Variants in RELCH observed in about 807,000 individuals in gnomAD.
RELCH encodes RAB11 binding and LisH domain, coiled-coil and HEAT repeat containing, also known as RAB11-binding protein RELCH.
In RELCH, 41 loss-of-function variants were observed where a neutral mutation model predicts 150.3. That is an observed-to-expected ratio of 0.27 (90% CI 0.21 to 0.35). The LOEUF (loss-of-function observed/expected upper bound fraction) is 0.35. RELCH is among the 10% of genes least tolerant of loss of function. The pLI is 1.00. For synonymous variants in RELCH, 478 were observed against 531.8 expected (o/e 0.90, Z 1.39); for missense variants, 1,092 against 1,467.8 (o/e 0.74, Z 4.18).
At position 62,282,289 on chromosome 18, in the gene RELCH, CA is replaced by C. The variant is rs1253278875; in HGVS notation, c.3115-15del. ...TTCAATATTCTATGAAATGACTGTA[CA>C]ATATCCAATTTTAAGTTGCTGGAAA... On this transcript the variant is annotated splice_polypyrimidine_tract_variant and intron_variant, in intron 24 of 28. Transcript: ENST00000644646. 1 of 1,606,024 alleles carries C rather than the reference CA, an allele frequency of 6.2e-7. No individual in the cohort carries two copies. Among genetic ancestry groups the C allele is most frequent in the South Asian group, 1.1e-5 (1 of 90,732 alleles).
intron 1 of RELCH, among the ~76,000 whole-genome samples, chr18:62,200,438 A>C (rs2039355311): frequency 6.6e-6 from 1 of 152,136 alleles, no homozygotes; most frequent in Admixed American, 6.5e-5. Context: ...AATTCCTTTT[A>C]GCTCTCAAAT....
chr18:62,197,664 A>G (rs1217346705), intron 1 of RELCH, among the ~76,000 whole-genome samples: 14 of 152,198 alleles, frequency 9.2e-5, no homozygotes, highest in Non-Finnish European at 1.0e-4. Context: ...CTGAGAATTG[A>G]ATACCCATTA....
At chr18:62,211,544 C>T (rs1009382015) in intron 2 of RELCH, among the ~76,000 whole-genome samples, 32 of 152,254 alleles carry the variant, frequency 2.1e-4, no homozygotes, top group African/African-American at 7.7e-4. Flanking sequence ...AAAGTTGAAC[C>T]TTAGCCTCAT....
intron 5 of RELCH, among the ~76,000 whole-genome samples, chr18:62,222,363 T>G (rs2148379923): frequency 6.6e-6 from 1 of 152,094 alleles, no homozygotes; most frequent in Non-Finnish European, 1.5e-5. Context: ...TTAACATGAG[T>G]ATTATACAAT....
At chr18:62,210,665 T>G (rs1268386159) in intron 1 of RELCH, among the ~76,000 whole-genome samples, 2 of 152,240 alleles carry the variant, frequency 1.3e-5, no homozygotes, top group Non-Finnish European at 2.9e-5. Flanking sequence ...TCTACTGATT[T>G]TACCATTATG....
intron 27 of RELCH, among the ~76,000 whole-genome samples, chr18:62,291,878 G>A (rs553166731): frequency 6.6e-6 from 1 of 152,256 alleles, no homozygotes; most frequent in South Asian, 2.1e-4. Flanking sequence ...ACTTTAATAA[G>A]ATAATGTATG....
chr18:62,188,158 G>A (rs1268170460), intron 1 of RELCH, 127 bp downstream of exon 1: 1 of 1,120,570 alleles, frequency 8.9e-7, no homozygotes, highest in Non-Finnish European at 1.2e-6. Flanking sequence ...GTATTGGGGT[G>A]GGGGCGCTCT....
At chr18:62,285,652 G>T (rs1469547591) in intron 25 of RELCH, 2 of 152,224 alleles carry the variant, frequency 1.3e-5, no homozygotes, top group African/African-American at 4.8e-5. Context: ...CAACTCGGGA[G>T]GCCAAGGCAG....
intron 25 of RELCH, among the ~76,000 whole-genome samples, chr18:62,283,212 A>G (rs1188809823): frequency 3.9e-5 from 6 of 152,188 alleles, no homozygotes; most frequent in Non-Finnish European, 7.3e-5. Context: ...AGCACGATAC[A>G]TAACTTTGTT....
Position 62,187,905 on chromosome 18 carries a change from C to A in RELCH, c.400C>A (p.Pro134Thr). ...TCGGCTGCGCGACTACTTCTCCAAT[C>A]CAGGCAACTTCGAGAGGCAAAGTGG... is the stretch of plus-strand genomic sequence containing the variant. The part of the protein sequence containing the change: ...LPRLRDYFSN[P>T]GNFERQSGTP... The change falls in exon 1 of 29, where the codon CCA (proline) becomes ACA (threonine). Residue 134 changes from proline (P) to threonine (T), a missense_variant. Coordinates refer to ENST00000644646, the MANE Select transcript of RELCH (RefSeq NM_001346231.2). 1 of 1,596,226 alleles carries A rather than the reference C, an allele frequency of 6.3e-7. No individual in the cohort carries two copies. Among genetic ancestry groups the A allele is most frequent in the South Asian group, 1.1e-5 (1 of 88,492 alleles).
intron 25 of RELCH, among the ~76,000 whole-genome samples, chr18:62,286,543 C>T (rs1374247357): frequency 6.6e-6 from 1 of 151,966 alleles, no homozygotes; most frequent in Non-Finnish European, 1.5e-5. Flanking sequence ...AGTTGGTCAG[C>T]AGTTGATGCT....
At chr18:62,221,963 C>T (rs1159417062) in intron 5 of RELCH, among the ~76,000 whole-genome samples, 2 of 151,660 alleles carry the variant, frequency 1.3e-5, no homozygotes, top group Non-Finnish European at 2.9e-5. Context: ...GAATAGGGGC[C>T]AATTTTAGAA....
At chr18:62,289,410 A>G (rs768692968) in intron 26 of RELCH, among the ~76,000 whole-genome samples, 3 of 152,196 alleles carry the variant, frequency 2.0e-5, no homozygotes, top group Admixed American at 1.3e-4. Flanking sequence ...TAGAAAAACT[A>G]TAGTGTATAA....
chr18:62,216,501 T>A (rs866261933), intron 2 of RELCH, among the ~76,000 whole-genome samples: 1 of 152,108 alleles, frequency 6.6e-6, no homozygotes, highest in Non-Finnish European at 1.5e-5. Context: ...GCTTTCTGAT[T>A]TGTAGGGAAA....
At chr18:62,285,946 A>G (rs565125568) in intron 25 of RELCH, 1 of 152,306 alleles carries the variant, frequency 6.6e-6, no homozygotes, top group Non-Finnish European at 1.5e-5. Flanking sequence ...ATTCTATAGT[A>G]AAGTTCTGTC....
intron 20 of RELCH, among the ~76,000 whole-genome samples, chr18:62,270,538 C>T (rs1345255079): frequency 6.6e-6 from 1 of 152,120 alleles, no homozygotes. Flanking sequence ...GAAGAAGAAA[C>T]ACCTTTTCCA....
chr18:62,296,301 T>C (rs1208771707), intron 27 of RELCH, among the ~76,000 whole-genome samples: 5 of 152,186 alleles, frequency 3.3e-5, no homozygotes, highest in East Asian at 3.9e-4. Context: ...AAAGTTACAA[T>C]TGGCAGCCAG....
chr18:62,195,696 C>CA (rs1164271579), intron 1 of RELCH, among the ~76,000 whole-genome samples: 4 of 147,874 alleles, frequency 2.7e-5, no homozygotes, highest in African/African-American at 9.9e-5. Context: ...AATCATCTTC[C>CA]TTTTTTTTTT....
intron 1 of RELCH, among the ~76,000 whole-genome samples, chr18:62,206,975 A>T (rs1212804712): frequency 1.3e-5 from 2 of 152,118 alleles, no homozygotes; most frequent in African/African-American, 4.8e-5. Flanking sequence ...CGTGGGTTCA[A>T]GTGATCCTCC....
Sources: gnomAD v4.1 joint callset for allele counts (sites outside exome capture counted in the v4.1 genomes callset) on GRCh38, gnomAD v4.1.1 for gene constraint, MANE v1.5 for transcripts, NCBI Gene and HGNC (gene_info 2026-07-23, HGNC 2026-07-21) for gene names.